ACKR2: variants seen among roughly 807,000 people sequenced by gnomAD.
ACKR2 encodes the protein C-C chemokine receptor D6.
For missense variants in ACKR2, 457 were observed against 477.3 expected, an observed-to-expected ratio of 0.96 and a Z score of 0.40; for synonymous variants, 207 against 192.2, an observed-to-expected ratio of 1.08 and a Z score of -0.64.
At chr3:42,851,308 T>G in intron 2 of ACKR2, 5 of 959,590 alleles carry the variant, frequency 5.2e-6, no homozygotes, top group Non-Finnish European at 6.2e-6. Context: ...GAAAGCAGGA[T>G]ATACATAGGC....
chr3:42,810,454 T>G (rs1280060791), intron 1 of ACKR2, among the ~76,000 whole-genome samples: 1 of 152,056 alleles, frequency 6.6e-6, no homozygotes, highest in Admixed American at 6.5e-5. Context: ...CTCTTTGCCT[T>G]TGTTAAATGC....
At chr3:42,851,377 T>A in intron 2 of ACKR2, 1 of 985,506 alleles carries the variant, frequency 1.0e-6, no homozygotes, top group Non-Finnish European at 1.2e-6. Flanking sequence ...TGCACTTCCC[T>A]GAGGAAGAGG....
chr3:42,847,266 G>A (rs1411835410), intron 2 of ACKR2, among the ~76,000 whole-genome samples: 1 of 152,232 alleles, frequency 6.6e-6, no homozygotes, highest in African/African-American at 2.4e-5. Flanking sequence ...GCTGAAGGGT[G>A]CCTTGGGCAG....
chr3:42,816,995 G>A (rs1366038528), intron 1 of ACKR2, among the ~76,000 whole-genome samples: 1 of 152,168 alleles, frequency 6.6e-6, no homozygotes, highest in Non-Finnish European at 1.5e-5. Context: ...AAAAGACACG[G>A]CTTTGAATAA....
At chr3:42,824,278 C>A (rs1164520622) in intron 2 of ACKR2, among the ~76,000 whole-genome samples, 1 of 151,884 alleles carries the variant, frequency 6.6e-6, no homozygotes, top group Non-Finnish European at 1.5e-5. Context: ...TTTTTTATTG[C>A]TGTATTGTTA....
At chr3:42,853,018 C>G (rs1049476476) in intron 2 of ACKR2, among the ~76,000 whole-genome samples, 4 of 152,106 alleles carry the variant, frequency 2.6e-5, no homozygotes, top group African/African-American at 9.7e-5. Context: ...CACGAGGGAG[C>G]CAGGAAGACA....
intron 2 of ACKR2, among the ~76,000 whole-genome samples, chr3:42,835,010 C>T (rs541011547): frequency 3.3e-5 from 5 of 152,186 alleles, no homozygotes; most frequent in Middle Eastern, 6.8e-3. Flanking sequence ...CTCAGCTTCC[C>T]GAGTAGCTGG....
chr3:42,822,915 T>C (rs1337527278), intron 2 of ACKR2, among the ~76,000 whole-genome samples: 1 of 152,156 alleles, frequency 6.6e-6, no homozygotes, highest in East Asian at 1.9e-4. Flanking sequence ...CTTTTTGCTG[T>C]ATCCACCAGA....
At chr3:42,828,092 A>ATATATATATTTTTTTTTTTTTTTTTTT (rs1193533555) in intron 2 of ACKR2, among the ~76,000 whole-genome samples, 2 of 121,904 alleles carry the variant, frequency 1.6e-5, no homozygotes, top group Non-Finnish European at 3.4e-5. Context: ...ATATATATAT[A>ATATATATATTTTTTTTTTTTTTTTTTT]TTTTTTTTTT....
At chr3:42,831,100 C>T (rs1459811916) in intron 2 of ACKR2, among the ~76,000 whole-genome samples, 1 of 151,828 alleles carries the variant, frequency 6.6e-6, no homozygotes, top group Non-Finnish European at 1.5e-5. Flanking sequence ...CAGATGGAGC[C>T]AGAGATTTGT....
rs59894863 is a variant in ACKR2 at position 42,866,177 on chromosome 3, C to CTT, written c.*535_*536dup. 690 of 122,018 alleles carry CTT rather than the reference C, an allele frequency of 5.7e-3. 26 individuals carry two copies. The highest frequency in any genetic ancestry group is 0.016 in the African/African-American group (517 of 31,892). The allele number at this position is 122,018 out of a possible 1,614,324, so 7.6% of individuals were successfully genotyped here. On this transcript the variant is annotated 3_prime_UTR_variant, in exon 3 of 3. Coordinates refer to ENST00000422265, the MANE Select transcript of ACKR2 (RefSeq NM_001296.5). ...TTTTTTTTCTTTCTTTCTTTCTTTT[C>CTT]TTTTTTTTTTTTTTTTGAGACGGAG... is the stretch of plus-strand genomic sequence containing the variant.
At position 42,815,967 on chromosome 3, in the gene ACKR2, C is replaced by T. The variant is rs917520699; in HGVS notation, c.-118-3664C>T. ...TTTGCTGCTTACTAGTTATGTGACA[C>T]TGAGCAAGTTAATTAATCATCTTGT... On this transcript the variant is annotated intron_variant, in intron 1 of 2. Transcript: ENST00000422265. Among the ~76,000 whole-genome samples the T allele has an allele frequency of 3.9e-5, 6 of 152,188 alleles. No individual in the cohort carries two copies. In the East Asian group the frequency reaches 7.7e-4, roughly 20 times the overall value.
chr3:42,827,904 C>T (rs765319513), intron 2 of ACKR2, among the ~76,000 whole-genome samples: 6 of 152,020 alleles, frequency 3.9e-5, no homozygotes, highest in Non-Finnish European at 7.4e-5. Context: ...TGTTTGCTAA[C>T]TTTGGGCAGA....
At chr3:42,831,039 T>TA (rs921181094) in intron 2 of ACKR2, among the ~76,000 whole-genome samples, 74 of 146,426 alleles carry the variant, frequency 5.1e-4, no homozygotes, top group South Asian at 2.6e-3. Flanking sequence ...GCAAAAAAAA[T>TA]AAAAAAAAAG....
At chr3:42,860,474 T>A (rs537175427) in intron 2 of ACKR2, among the ~76,000 whole-genome samples, 2 of 152,294 alleles carry the variant, frequency 1.3e-5, no homozygotes, top group Admixed American at 1.3e-4. Flanking sequence ...TATTCAGGAC[T>A]TGAACTCACC....
chr3:42,861,599 G>A lies in ACKR2; in HGVS notation c.-37-2867G>A, dbSNP rs543728128. On this transcript the variant is annotated intron_variant, in intron 2 of 2. Coordinates refer to ENST00000422265, the MANE Select transcript of ACKR2 (RefSeq NM_001296.5). ...CAGGCCAATATCCCTGATGAACATC[G>A]ATGCAAAAATCCTCAATAAAATGCT... is the stretch of plus-strand genomic sequence containing the variant. Among the ~76,000 whole-genome samples, 66 of 152,066 alleles carry A rather than the reference G, an allele frequency of 4.3e-4. 2 individuals are homozygous for A. The highest frequency in any genetic ancestry group is 9.0e-4 in the Non-Finnish European group (61 of 68,036).
At chr3:42,811,657 G>A (rs1279750724) in intron 1 of ACKR2, among the ~76,000 whole-genome samples, 2 of 152,012 alleles carry the variant, frequency 1.3e-5, no homozygotes, top group African/African-American at 2.4e-5. Flanking sequence ...GGTCTCTTGC[G>A]GTTGAGATAA....
chr3:42,842,751 G>A (rs1701051951), intron 2 of ACKR2, among the ~76,000 whole-genome samples: 1 of 152,046 alleles, frequency 6.6e-6, no homozygotes, highest in Non-Finnish European at 1.5e-5. Flanking sequence ...TGGAGGTCGA[G>A]GCAGGTGGAT....
chr3:42,820,627 A>G (rs561016951), intron 2 of ACKR2, among the ~76,000 whole-genome samples: 2 of 150,564 alleles, frequency 1.3e-5, no homozygotes, highest in Non-Finnish European at 3.0e-5. Flanking sequence ...TAATCTGCCC[A>G]ACCCAACAGT....
Sources: gnomAD v4.1 joint callset for allele counts (sites outside exome capture counted in the v4.1 genomes callset) on GRCh38, gnomAD v4.1.1 for gene constraint, MANE v1.5 for transcripts, NCBI Gene and HGNC (gene_info 2026-07-23, HGNC 2026-07-21) for gene names.